EVA1C: variants seen among roughly 807,000 people sequenced by gnomAD.
EVA1C encodes the protein protein eva-1 homolog C.
A neutral mutation model predicts 45.4 loss-of-function variants in EVA1C; 25 were observed. The ratio of observed to expected loss-of-function variants is 0.55; its 90% confidence interval spans 0.40 to 0.77. The LOEUF is 0.77. Among genes scored for constraint, EVA1C ranks in the 30% least tolerant of loss-of-function variants. The pLI, the probability that EVA1C is intolerant of heterozygous loss-of-function variation, is 0.00. For missense variants in EVA1C, 479 were observed against 554.8 expected (o/e 0.86, Z 1.37); for synonymous variants, 190 against 221.2 (o/e 0.86, Z 1.25).
At chr21:32,494,321 C>T (rs1216934122) in intron 4 of EVA1C, among the ~76,000 whole-genome samples, 1 of 152,194 alleles carries the variant, frequency 6.6e-6, no homozygotes, top group East Asian at 1.9e-4. Context: ...GAAATAGTCT[C>T]TCCTGGAGCT....
In EVA1C at chr21:32,507,774, ATGTG is replaced by A. The variant is rs545504685; in HGVS notation, c.949+3761_949+3764del. 4.4e-3 allele frequency among the ~76,000 whole-genome samples: 634 copies of A among 145,624 alleles called. 2 individuals carry two copies. Among genetic ancestry groups the A allele is most frequent in the Middle Eastern group, 0.027 (6 of 226 alleles). ...TATGTGTTTGCGTGTGTGTGCATGTATGTGTATCTCTGTGCATATGTGTATCTCT... is the reference window on the plus strand; with the variant it reads ...TATGTGTTTGCGTGTGTGTGCATGTATATCTCTGTGCATATGTGTATCTCT... On this transcript the variant is annotated intron_variant, in intron 7 of 7. Coordinates refer to ENST00000300255, the MANE Select transcript of EVA1C (RefSeq NM_058187.5).
intron 1 of EVA1C, among the ~76,000 whole-genome samples, chr21:32,425,402 T>G (rs1290589377): frequency 1.3e-5 from 2 of 149,906 alleles, no homozygotes; most frequent in Non-Finnish European, 3.0e-5. Context: ...CAGGCTGGTC[T>G]CAAACTCCTA....
At chr21:32,479,145 G>A (rs763334746) in intron 4 of EVA1C, among the ~76,000 whole-genome samples, 9 of 152,266 alleles carry the variant, frequency 5.9e-5, no homozygotes, top group Non-Finnish European at 8.8e-5. Flanking sequence ...TGCAGGCTGG[G>A]AGCGGTGGCT....
At chr21:32,490,041 C>T (rs1201095062) in intron 4 of EVA1C, among the ~76,000 whole-genome samples, 2 of 152,040 alleles carry the variant, frequency 1.3e-5, no homozygotes, top group African/African-American at 2.4e-5. Flanking sequence ...TGACCTCAGG[C>T]GATTCACCTG....
At chr21:32,447,975 G>T (rs2035426267) in intron 1 of EVA1C, among the ~76,000 whole-genome samples, 2 of 152,152 alleles carry the variant, frequency 1.3e-5, no homozygotes, top group Admixed American at 1.3e-4. Flanking sequence ...AAAGTGCTGG[G>T]ATTACAAGCG....
At chr21:32,441,331 C>T (rs2035166602) in intron 1 of EVA1C, among the ~76,000 whole-genome samples, 1 of 151,972 alleles carries the variant, frequency 6.6e-6, no homozygotes, top group African/African-American at 2.4e-5. Flanking sequence ...GATGAGGCCA[C>T]ATTGGTACAA....
chr21:32,512,598 T>C (rs1218820172), intron 7 of EVA1C, among the ~76,000 whole-genome samples: 1 of 152,092 alleles, frequency 6.6e-6, no homozygotes, highest in Non-Finnish European at 1.5e-5. Context: ...GGATGACCAT[T>C]GTACCTCAGA....
chr21:32,473,853 A>C (rs1329924963), intron 4 of EVA1C: 1 of 932,302 alleles, frequency 1.1e-6, no homozygotes, highest in Non-Finnish European at 1.3e-6. Context: ...TGAACCTTCC[A>C]TGTGAGGCTG....
At chr21:32,432,025 C>G (rs1424647333) in intron 1 of EVA1C, among the ~76,000 whole-genome samples, 1 of 152,088 alleles carries the variant, frequency 6.6e-6, no homozygotes, top group Non-Finnish European at 1.5e-5. Context: ...CCTGGAACAG[C>G]TCCTCAGTTT....
chr21:32,427,486 G>A (rs1189057088), intron 1 of EVA1C, among the ~76,000 whole-genome samples: 5 of 152,056 alleles, frequency 3.3e-5, no homozygotes, highest in Admixed American at 2.0e-4. Flanking sequence ...AGGCTGAGGC[G>A]GAAAGATCAC....
At chr21:32,453,018 T>G (rs2035639792) in intron 1 of EVA1C, 1 of 328,184 alleles carries the variant, frequency 3.0e-6, no homozygotes, top group African/African-American at 2.1e-5. Context: ...CTGTTCTCAC[T>G]AAGGTCCATG....
chr21:32,480,395 A>G (rs1264948549), intron 4 of EVA1C, among the ~76,000 whole-genome samples: 1 of 152,128 alleles, frequency 6.6e-6, no homozygotes, highest in Non-Finnish European at 1.5e-5. Flanking sequence ...GTTCACAAAT[A>G]TACTAGTAAA....
At chr21:32,488,117 A>T (rs1322242877) in intron 4 of EVA1C, among the ~76,000 whole-genome samples, 1 of 152,182 alleles carries the variant, frequency 6.6e-6, no homozygotes, top group Non-Finnish European at 1.5e-5. Context: ...CTCAAACCTT[A>T]TATCTGATAA....
At chr21:32,460,714 T>C (rs886553767) in intron 3 of EVA1C, among the ~76,000 whole-genome samples, 8 of 151,858 alleles carry the variant, frequency 5.3e-5, no homozygotes, top group Non-Finnish European at 1.2e-4. Flanking sequence ...CAGGGCTTCA[T>C]GGAGAGGCAC....
At chr21:32,437,159 C>T (rs2034987738) in intron 1 of EVA1C, among the ~76,000 whole-genome samples, 1 of 152,022 alleles carries the variant, frequency 6.6e-6, no homozygotes, top group South Asian at 2.1e-4. Context: ...GACTCTTTCT[C>T]AAAACAAAAC....
At chr21:32,424,816 G>A (rs1280692755) in intron 1 of EVA1C, among the ~76,000 whole-genome samples, 3 of 152,050 alleles carry the variant, frequency 2.0e-5, no homozygotes, top group African/African-American at 4.8e-5. Flanking sequence ...TTTATTTTAA[G>A]TTAGAATGTC....
At chr21:32,416,077 A>T (rs910043529) in intron 1 of EVA1C, among the ~76,000 whole-genome samples, 2 of 152,092 alleles carry the variant, frequency 1.3e-5, no homozygotes, top group African/African-American at 4.8e-5. Flanking sequence ...GAGTGCTGAG[A>T]GGAGGGAGGG....
intron 1 of EVA1C, among the ~76,000 whole-genome samples, chr21:32,435,230 G>T (rs538181773): frequency 3.4e-4 from 51 of 148,160 alleles, no homozygotes; most frequent in African/African-American, 1.3e-3. Context: ...AATTTTTTTT[G>T]TGGGGGGGAA....
In EVA1C at chr21:32,453,359, G is replaced by A. The variant is rs2035656213; in HGVS notation, c.208G>A (p.Gly70Arg). 1 of 1,610,188 alleles carries A rather than the reference G, an allele frequency of 6.2e-7. No homozygotes were observed. Among genetic ancestry groups the A allele is most frequent in the African/African-American group, 1.3e-5 (1 of 74,830 alleles). Residue 70 changes from glycine to arginine, a missense_variant, in exon 2 of 8, where the codon GGG becomes AGG. This residue lies in a region of EVA1C where 33 missense variants were observed against 64.9 expected (regional missense o/e 0.51). Coordinates refer to ENST00000300255, the MANE Select transcript of EVA1C (RefSeq NM_058187.5). ...LQNHTTYACD[G>R]DYLNLQCPRH... Reference sequence around the variant, plus strand: ...AAACCACACCACCTATGCCTGTGATGGGGACTATTTGAATCTACAGTGCCC... The same window carrying A: ...AAACCACACCACCTATGCCTGTGATAGGGACTATTTGAATCTACAGTGCCC...
Sources: allele counts gnomAD v4.1 joint callset (sites outside exome capture counted in the v4.1 genomes callset), GRCh38; gene constraint gnomAD v4.1.1; regional missense constraint gnomAD v4.1.1; transcripts MANE v1.5; gene names NCBI Gene and HGNC (gene_info 2026-07-23, HGNC 2026-07-21).